Variants in CNTN3 observed in about 807,000 individuals in gnomAD.
CNTN3 encodes contactin 3.
Under a neutral mutation model 119.1 loss-of-function variants are expected in CNTN3, and 60 were observed. That is an observed-to-expected ratio of 0.50 (90% CI 0.41 to 0.62). The LOEUF is 0.62. Among genes scored for constraint, CNTN3 ranks in the 20% least tolerant of loss-of-function variants. CNTN3 has a pLI of 0.00. For missense variants in CNTN3, 1,101 were observed against 1,242.4 expected, an observed-to-expected ratio of 0.89 and a Z score of 1.71; for synonymous variants, 450 against 438.7, an observed-to-expected ratio of 1.03 and a Z score of -0.32.
In CNTN3 at chr3:74,368,937, A is replaced by C. The variant is rs553230403; in HGVS notation, c.946+252T>G. 1.6e-4 allele frequency among the ~76,000 whole-genome samples: 24 copies of C among 152,236 alleles called. No homozygotes were observed. In the East Asian group the frequency reaches 2.5e-3, roughly 16 times the overall value. On this transcript the variant is annotated intron_variant, in intron 8 of 22. Transcript: ENST00000263665. ...GAGAGGTTATTCTTAGGAAAAAAAT[A>C]TGAAATATTTTATCTTTGCATGAAT...
chr3:74,343,076 G>A (rs991439448), intron 11 of CNTN3, among the ~76,000 whole-genome samples: 1 of 152,174 alleles, frequency 6.6e-6, no homozygotes, highest in Non-Finnish European at 1.5e-5. Context: ...GCCTCAGAGA[G>A]AGTTATATGA....
At chr3:74,548,834 G>A (rs1231491316) in intron 1 of CNTN3, among the ~76,000 whole-genome samples, 1 of 152,130 alleles carries the variant, frequency 6.6e-6, no homozygotes, top group Non-Finnish European at 1.5e-5. Context: ...AATTATGTAA[G>A]CTTCATAATA....
At chr3:74,456,913 A>C (rs1258511065) in intron 4 of CNTN3, among the ~76,000 whole-genome samples, 2 of 151,960 alleles carry the variant, frequency 1.3e-5, no homozygotes, top group African/African-American at 2.4e-5. Flanking sequence ...TTTACCAATA[A>C]GTTTTTTTTA....
intron 1 of CNTN3, among the ~76,000 whole-genome samples, chr3:74,523,572 C>T (rs958908166): frequency 1.3e-5 from 2 of 151,654 alleles, no homozygotes; most frequent in African/African-American, 4.8e-5. Context: ...AGTATATACA[C>T]GAAATCTAAC....
chr3:74,439,154 T>C (rs1183260801), intron 4 of CNTN3, among the ~76,000 whole-genome samples: 1 of 152,270 alleles, frequency 6.6e-6, no homozygotes, highest in South Asian at 2.1e-4. Flanking sequence ...CTGGAAAAAA[T>C]GCTTCTCTAA....
intron 2 of CNTN3, among the ~76,000 whole-genome samples, chr3:74,502,412 T>C (rs1703182305): frequency 6.6e-6 from 1 of 152,164 alleles, no homozygotes; most frequent in African/African-American, 2.4e-5. Flanking sequence ...CAGAGGTCAC[T>C]ATTAATTTTA....
chr3:74,313,841 C>A (rs1356328535), intron 13 of CNTN3, among the ~76,000 whole-genome samples: 1 of 152,080 alleles, frequency 6.6e-6, no homozygotes, highest in Non-Finnish European at 1.5e-5. Flanking sequence ...TCTCCTGGAT[C>A]TGGGGAAAGA....
At chr3:74,572,777 C>T (rs1704355133) in intron 1 of CNTN3, among the ~76,000 whole-genome samples, 1 of 152,196 alleles carries the variant, frequency 6.6e-6, no homozygotes, top group African/African-American at 2.4e-5. Context: ...TTTTGCTCTT[C>T]CCCTGATGGC....
intron 13 of CNTN3, among the ~76,000 whole-genome samples, chr3:74,305,814 G>C (rs1412489994): frequency 6.0e-5 from 9 of 150,960 alleles, no homozygotes. Context: ...AAATGAATTG[G>C]GCTATCCTCT....
intron 5 of CNTN3, among the ~76,000 whole-genome samples, chr3:74,406,535 ATGTG>A (rs1559586043): frequency 1.3e-5 from 2 of 151,394 alleles, no homozygotes; most frequent in Non-Finnish European, 2.9e-5. Context: ...ACACTGAACT[ATGTG>A]TTTTTTTTTT....
Position 74,264,300 on chromosome 3 carries a change from A to G in CNTN3, c.*101T>C. On this transcript the variant is annotated 3_prime_UTR_variant, in exon 23 of 23. Coordinates refer to ENST00000263665, the MANE Select transcript of CNTN3 (RefSeq NM_020872.3). ...TACCTATAATGAAGTAGAAAGTTAAAAATAAGAGTTGAAAAAAACATGCAT... is the reference window on the plus strand; with the variant it reads ...TACCTATAATGAAGTAGAAAGTTAAGAATAAGAGTTGAAAAAAACATGCAT... The G allele has an allele frequency of 4.1e-6, 2 of 483,268 alleles. No individual in the cohort carries two copies. Among genetic ancestry groups the G allele is most frequent in the South Asian group, 1.3e-4 (2 of 14,832 alleles). The allele number at this position is 483,268 out of a possible 1,614,324, so 29.9% of individuals were successfully genotyped here. A position where few individuals can be genotyped will look rare whatever the true frequency, so the allele number is the denominator to read the frequency against.
At chr3:74,349,663 A>C (rs1703770424) in intron 11 of CNTN3, among the ~76,000 whole-genome samples, 3 of 152,236 alleles carry the variant, frequency 2.0e-5, no homozygotes, top group African/African-American at 7.2e-5. Flanking sequence ...ATTAGAAGAA[A>C]AAAATGCAAA....
chr3:74,578,270 A>C (rs1704449803), intron 1 of CNTN3, among the ~76,000 whole-genome samples: 2 of 152,064 alleles, frequency 1.3e-5, no homozygotes, highest in South Asian at 4.1e-4. Context: ...ACATTAATAA[A>C]ATAAAATCTG....
chr3:74,469,805 G>A (rs191917163), intron 4 of CNTN3, among the ~76,000 whole-genome samples: 166 of 152,202 alleles, frequency 1.1e-3, no homozygotes, highest in Non-Finnish European at 1.8e-3. Context: ...ACTTAAAAAC[G>A]TTAAATGTAG....
intron 8 of CNTN3, among the ~76,000 whole-genome samples, chr3:74,366,587 A>G (rs187215910): frequency 1.3e-5 from 2 of 151,768 alleles, no homozygotes; most frequent in African/African-American, 4.8e-5. Context: ...TGCATCCTCC[A>G]TATGGAGAAA....
rs1436048745 is a variant in CNTN3 at position 74,356,171 on chromosome 3, T to C, written c.1364+5719A>G. The stretch of plus-strand genomic sequence containing the variant: ...GGATGCAGCAACAAGGCCCCATCTA[T>C]GCATCAGAGAGTGAGCCCTCACCAG... On this transcript the variant is annotated intron_variant, in intron 11 of 22. Transcript: ENST00000263665. Among the ~76,000 whole-genome samples the C allele has an allele frequency of 3.9e-5, 6 of 152,210 alleles. No homozygotes were observed. The South Asian group carries it at 8.3e-4, about 21-fold the overall frequency.
intron 3 of CNTN3, among the ~76,000 whole-genome samples, chr3:74,491,783 C>G (rs574741211): frequency 7.3e-4 from 111 of 152,254 alleles, no homozygotes; most frequent in Non-Finnish European, 1.3e-3. Flanking sequence ...GTAAAAATTA[C>G]AAATTTCTAC....
At chr3:74,544,257 A>G (rs1703882783) in intron 1 of CNTN3, among the ~76,000 whole-genome samples, 2 of 152,210 alleles carry the variant, frequency 1.3e-5, no homozygotes, top group African/African-American at 4.8e-5. Context: ...TGATATAACA[A>G]TGTAACTGAA....
In CNTN3 at chr3:74,529,361, G is replaced by A. The variant is rs551213117; in HGVS notation, c.-80-8169C>T. 1.1e-4 allele frequency among the ~76,000 whole-genome samples: 16 copies of A among 152,022 alleles called. No individual in the cohort carries two copies. In the South Asian group the frequency reaches 3.3e-3, roughly 32 times the overall value. The stretch of plus-strand genomic sequence containing the variant: ...TGTTTGCATAGTCACTACCTCAGCT[G>A]CCTGGGTCACGTGTTTAGAAACTTT... On this transcript the variant is annotated intron_variant, in intron 1 of 22. Coordinates refer to ENST00000263665, the MANE Select transcript of CNTN3 (RefSeq NM_020872.3).
Sources: gnomAD v4.1 joint callset for allele counts (sites outside exome capture counted in the v4.1 genomes callset) on GRCh38, gnomAD v4.1.1 for gene constraint, MANE v1.5 for transcripts, NCBI Gene and HGNC (gene_info 2026-07-23, HGNC 2026-07-21) for gene names.